The following TRANK1 variants were observed in gnomAD, a reference collection of about 807,000 sequenced individuals.
TRANK1 encodes the protein TPR and ankyrin repeat-containing protein 1.
Under a neutral mutation model 266.0 loss-of-function variants are expected in TRANK1, and 198 were observed. The observed-to-expected ratio is 0.74, with a 90% CI of 0.66 to 0.84. The LOEUF is 0.84. Among genes scored for constraint, TRANK1 ranks in the 40% least tolerant of loss-of-function variants. The pLI is 0.00. For missense variants in TRANK1, 3,326 were observed against 3,634.6 expected (o/e 0.92, Z 2.18); for synonymous variants, 1,396 against 1,384.1 (o/e 1.01, Z -0.19).
intron 13 of TRANK1, among the ~76,000 whole-genome samples, chr3:36,854,903 C>T (rs1378723981): frequency 6.6e-6 from 1 of 152,128 alleles, no homozygotes; most frequent in Non-Finnish European, 1.5e-5. Flanking sequence ...TTAAATGTTC[C>T]CCTGAAATGT....
intron 11 of TRANK1, among the ~76,000 whole-genome samples, chr3:36,859,923 G>T (rs772537673): frequency 1.3e-5 from 2 of 152,182 alleles, no homozygotes; most frequent in African/African-American, 4.8e-5. Context: ...TAAAGGCTCT[G>T]CAAGGTGTGT....
chr3:36,878,751 C>G (rs1246273047), intron 8 of TRANK1, among the ~76,000 whole-genome samples: 1 of 150,070 alleles, frequency 6.7e-6, no homozygotes, highest in Non-Finnish European at 1.5e-5. Flanking sequence ...CAAAAGTACC[C>G]CCCCCGAACC....
At chr3:36,924,587 T>G (rs1050677288) in intron 1 of TRANK1, among the ~76,000 whole-genome samples, 4 of 152,130 alleles carry the variant, frequency 2.6e-5, no homozygotes, top group Non-Finnish European at 4.4e-5. Context: ...TCCTCAGTCT[T>G]TTATAACCAA....
chr3:36,844,518 C>T (rs1010122238), intron 17 of TRANK1, among the ~76,000 whole-genome samples: 5 of 152,146 alleles, frequency 3.3e-5, no homozygotes, highest in African/African-American at 4.8e-5. Context: ...TGAGCCACCA[C>T]GCCCAGCCAT....
chr3:36,911,109 A>G (rs1368805448), intron 1 of TRANK1, among the ~76,000 whole-genome samples: 3 of 152,226 alleles, frequency 2.0e-5, no homozygotes, highest in African/African-American at 2.4e-5. Flanking sequence ...ATTTAATGAC[A>G]GAGCAAGTTA....
intron 8 of TRANK1, among the ~76,000 whole-genome samples, chr3:36,875,008 C>CAA (rs112705869): frequency 1.3e-3 from 163 of 129,548 alleles, no homozygotes; most frequent in African/African-American, 4.2e-3. Context: ...CCCACTTTAC[C>CAA]AAAAAAAAAA....
upstream of TRANK1, chr3:36,945,114 G>A (rs2080555409): frequency 2.6e-6 from 1 of 384,740 alleles, no homozygotes; most frequent in African/African-American, 2.1e-5. Context: ...TGCTGAGTGG[G>A]AGGAGGTGTT....
intron 8 of TRANK1, among the ~76,000 whole-genome samples, chr3:36,875,588 G>T (rs547437243): frequency 6.6e-6 from 1 of 152,164 alleles, no homozygotes; most frequent in African/African-American, 2.4e-5. Flanking sequence ...TATAATAAAT[G>T]GGTGTTGTTT....
At chr3:36,859,924 C>A (rs1458443264) in intron 11 of TRANK1, among the ~76,000 whole-genome samples, 1 of 152,166 alleles carries the variant, frequency 6.6e-6, no homozygotes, top group Non-Finnish European at 1.5e-5. Flanking sequence ...AAAGGCTCTG[C>A]AAGGTGTGTG....
chr3:36,910,898 C>T (rs750027040), intron 1 of TRANK1, among the ~76,000 whole-genome samples: 6 of 152,082 alleles, frequency 3.9e-5, no homozygotes, highest in Non-Finnish European at 8.8e-5. Flanking sequence ...GGTGAAACCC[C>T]GTCTTTACTA....
rs1433368092 is a variant in TRANK1, at chr3:36,857,929, A to C, written c.1793T>G (p.Leu598Arg). The stretch of plus-strand genomic sequence containing the variant: ...GCGCTTTAGCATGCCCTTCTGGAAG[A>C]GGATGTGCATCAGCGTGTTCCCATT... ...DSNGNTLMHI[L>R]FQKGMLKRVK... is the part of the protein sequence containing the mutation. The change falls in exon 13 of 24, where the codon CTC becomes CGC. Residue 598 changes from leucine to arginine, a missense_variant. By Grantham distance (102) the Leu-to-Arg change is moderately radical. Transcript: ENST00000645898. The surrounding 1 kb of genome is among the most constrained non-coding windows in gnomAD (Gnocchi z 4.3). 2 of 1,605,856 alleles carry C rather than the reference A, an allele frequency of 1.2e-6. No homozygotes were observed. Among genetic ancestry groups the C allele is most frequent in the Non-Finnish European group, 8.5e-7 (1 of 1,179,854 alleles).
At chr3:36,854,886 A>C (rs1208405212) in intron 13 of TRANK1, among the ~76,000 whole-genome samples, 1 of 152,186 alleles carries the variant, frequency 6.6e-6, no homozygotes, top group African/African-American at 2.4e-5. Context: ...GAAAGTTCTC[A>C]AACAGTTTAA....
chr3:36,919,085 T>C (rs1003419544), intron 1 of TRANK1, among the ~76,000 whole-genome samples: 2 of 152,192 alleles, frequency 1.3e-5, no homozygotes, highest in Non-Finnish European at 2.9e-5. Flanking sequence ...TGTGCAATAT[T>C]AACAAAGACG....
At chr3:36,883,875 A>G (rs966561376) in intron 8 of TRANK1, among the ~76,000 whole-genome samples, 1 of 152,230 alleles carries the variant, frequency 6.6e-6, no homozygotes, top group Non-Finnish European at 1.5e-5. Context: ...TGTCCTACAA[A>G]TTACTAACAA....
intron 15 of TRANK1, chr3:36,850,079 A>G: frequency 3.0e-6 from 3 of 985,468 alleles, no homozygotes; most frequent in African/African-American, 1.7e-5. Context: ...CCTTAAGTCC[A>G]GAGCTCCTTG....
intron 1 of TRANK1, among the ~76,000 whole-genome samples, chr3:36,922,375 G>A (rs1316327977): frequency 3.9e-5 from 6 of 152,304 alleles, no homozygotes; most frequent in Non-Finnish European, 8.8e-5. Flanking sequence ...GGAGGCCGAG[G>A]TGGGTGGATC....
chr3:36,848,034 C>T (rs1261267471), intron 15 of TRANK1, among the ~76,000 whole-genome samples: 1 of 152,136 alleles, frequency 6.6e-6, no homozygotes, highest in Non-Finnish European at 1.5e-5. Flanking sequence ...AAAGTGACTA[C>T]AAACACCAGG....
In TRANK1 at chr3:36,900,851, C is replaced by CAAAAAAAAAAAAAAAAAAAAAAAA. The variant is rs138198488; in HGVS notation, c.283-1616_283-1593dup. ...TGGGTGACAAAGCAAGACCCTGTCT[C>CAAAAAAAAAAAAAAAAAAAAAAAA]AAAAAAAAAAAAAAAAAAAAAAAAA... On this transcript the variant is annotated intron_variant, in intron 3 of 23. Coordinates refer to ENST00000645898, the MANE Select transcript of TRANK1 (RefSeq NM_001329998.2). 6.9e-3 allele frequency among the ~76,000 whole-genome samples: 434 copies of CAAAAAAAAAAAAAAAAAAAAAAAA among 62,934 alleles called. 49 individuals are homozygous for CAAAAAAAAAAAAAAAAAAAAAAAA. The highest frequency in any genetic ancestry group is 0.044 in the Middle Eastern group (5 of 114). 41.3% of individuals were successfully genotyped at this position (62,934 alleles called of 152,430 possible).
chr3:36,943,477 C>T (rs1486087336), intron 1 of TRANK1, among the ~76,000 whole-genome samples: 1 of 71,836 alleles, frequency 1.4e-5, no homozygotes, highest in African/African-American at 5.6e-5. Context: ...CCCACCTCTA[C>T]CCACCCCCCC....
Sources: allele counts gnomAD v4.1 joint callset (sites outside exome capture counted in the v4.1 genomes callset), GRCh38; gene constraint gnomAD v4.1.1; non-coding constraint Gnocchi (gnomAD v3.1); transcripts MANE v1.5; gene names NCBI Gene and HGNC (gene_info 2026-07-23, HGNC 2026-07-21).